The following COMMD5 variants were observed in gnomAD, a reference collection of about 807,000 sequenced individuals.
COMMD5 encodes COMM domain containing 5.
In COMMD5, 10 loss-of-function variants were observed where a neutral mutation model predicts 6.9. That is an observed-to-expected ratio of 1.44 (90% CI 0.89 to 2.45). The LOEUF is 2.45. Ranked by LOEUF, COMMD5 falls within the 30% of genes most tolerant of loss-of-function variation. COMMD5 has a pLI of 0.00. For synonymous variants in COMMD5, 127 were observed against 125.3 expected, an observed-to-expected ratio of 1.01 and a Z score of -0.09; for missense variants, 234 against 287.8, an observed-to-expected ratio of 0.81 and a Z score of 1.35.
At chr8:144,841,217 T>C (rs926400476) in exon 2 of COMMD5, 6 of 839,008 alleles carry the variant, frequency 7.2e-6, no homozygotes, top group Non-Finnish European at 9.3e-6. Flanking sequence ...CTGCCTTCTC[T>C]TGCACGTTTC....
chr8:144,846,203 T>C, downstream of COMMD5: 2 of 1,532,360 alleles, frequency 1.3e-6, no homozygotes, highest in South Asian at 1.2e-5. Flanking sequence ...GTGCTAACCA[T>C]AATGCTGTGT....
chr8:144,838,051 G>T (rs983693784), downstream of COMMD5: 8 of 693,788 alleles, frequency 1.2e-5, no homozygotes, highest in Middle Eastern at 2.3e-4. Context: ...AGCAAGCAGG[G>T]CCGTGCCCCC....
chr8:144,841,638 C>T (rs377092852), exon 2 of COMMD5: 83 of 1,614,176 alleles, frequency 5.1e-5, no homozygotes, highest in African/African-American at 3.1e-4. Context: ...TGGGAAGCAG[C>T]GGCCTGGATT....
At chr8:144,849,823 G>C (rs1241552150), downstream of COMMD5, among the ~76,000 whole-genome samples, 1 of 149,220 alleles carries the variant, frequency 6.7e-6, no homozygotes, top group Non-Finnish European at 1.5e-5. Flanking sequence ...CCAATCACCA[G>C]ATCACGTCTC....
chr8:144,842,882 G>T, intron 1 of COMMD5: 1 of 1,614,166 alleles, frequency 6.2e-7, no homozygotes, highest in Non-Finnish European at 8.5e-7. Flanking sequence ...GCCTTCAGCC[G>T]GAGCTCATAT....
At chr8:144,845,188 C>T (rs1464049902), downstream of COMMD5, among the ~76,000 whole-genome samples, 3 of 152,140 alleles carry the variant, frequency 2.0e-5, no homozygotes, top group Admixed American at 2.0e-4. Context: ...TAGAAGCTCA[C>T]GAGAAATCCT....
chr8:144,845,865 T>A (rs184298862), downstream of COMMD5: 5,545 of 1,021,460 alleles, frequency 5.4e-3, 28 homozygotes, highest in Non-Finnish European at 7.0e-3. Flanking sequence ...GTGTGCAGTG[T>A]CCCTGCCTTG....
At chr8:144,849,033 C>T (rs548131887), downstream of COMMD5, among the ~76,000 whole-genome samples, 38 of 152,140 alleles carry the variant, frequency 2.5e-4, no homozygotes, top group African/African-American at 7.7e-4. Flanking sequence ...GCCTGAGGAC[C>T]GAGGGCAGGT....
chr8:144,852,098 G>A (rs1303021260), intron 1 of COMMD5, among the ~76,000 whole-genome samples: 1 of 147,450 alleles, frequency 6.8e-6, no homozygotes, highest in Non-Finnish European at 1.5e-5. Flanking sequence ...ACGAAATCGA[G>A]CCGCTGCACT....
Position 144,851,373 on chromosome 8 carries a change from A to T in COMMD5, c.-35T>A. On this transcript the variant is annotated 5_prime_UTR_variant, in exon 2 of 2. Transcript: ENST00000305103. ...TTCCTCTTTGATCAGCCAGCCCAGGAGGTCGGTCCCAGATGCAGATGCCTA... is the reference window on the plus strand; with the variant it reads ...TTCCTCTTTGATCAGCCAGCCCAGGTGGTCGGTCCCAGATGCAGATGCCTA... The T allele has an allele frequency of 6.3e-7, 1 of 1,576,188 alleles. No homozygotes were observed. Among genetic ancestry groups the T allele is most frequent in the Non-Finnish European group, 8.6e-7 (1 of 1,158,176 alleles).
chr8:144,839,487 G>A (rs911540200), downstream of COMMD5, among the ~76,000 whole-genome samples: 3 of 152,232 alleles, frequency 2.0e-5, no homozygotes, highest in South Asian at 2.1e-4. Context: ...GGACAGGAGC[G>A]TTTAAAGAGG....
downstream of COMMD5, chr8:144,838,815 G>C (rs563094800): frequency 6.7e-6 from 1 of 150,284 alleles, no homozygotes; most frequent in East Asian, 2.0e-4. Context: ...GGTGGCAGGC[G>C]CCTGTAGTCC....
At chr8:144,838,459 G>C, downstream of COMMD5, 1 of 347,102 alleles carries the variant, frequency 2.9e-6, no homozygotes, top group East Asian at 5.4e-5. Context: ...TAGCCGGTGT[G>C]CTGCCCAGCA....
chr8:144,840,166 G>C (rs1829690915), downstream of COMMD5, among the ~76,000 whole-genome samples: 1 of 152,228 alleles, frequency 6.6e-6, no homozygotes, highest in African/African-American at 2.4e-5. Context: ...CCTGTTGAAA[G>C]AGCAGGCATG....
chr8:144,842,809 C>G (rs1830121903), intron 1 of COMMD5: 1 of 1,614,200 alleles, frequency 6.2e-7, no homozygotes, highest in South Asian at 1.1e-5. Context: ...AAACTCAACC[C>G]TTTTCCAACA....
At chr8:144,843,210 A>T (rs569169330) in intron 1 of COMMD5, 1 of 1,508,458 alleles carries the variant, frequency 6.6e-7, no homozygotes, top group East Asian at 2.3e-5. Context: ...ATAAACCTAT[A>T]GCCTTAACTT....
Position 144,850,548 on chromosome 8 carries a change from T to C in COMMD5, c.*116A>G. The stretch of plus-strand genomic sequence containing the variant: ...TACATAATTACGTTCAAACACTCAC[T>C]GAAGAGCCTGCCTCATGGGAAGGGC... On this transcript the variant is annotated 3_prime_UTR_variant, in exon 2 of 2. Transcript: ENST00000305103. The surrounding 1 kb of genome is among the most constrained non-coding windows in gnomAD (Gnocchi z 4.0). 2 of 1,092,114 alleles carry C rather than the reference T, an allele frequency of 1.8e-6. No individual in the cohort carries two copies. The highest frequency in any genetic ancestry group is 3.3e-5 in the South Asian group (2 of 61,092). The allele number at this position is 1,092,114 out of a possible 1,614,324, so 67.7% of individuals were successfully genotyped here.
chr8:144,842,604 T>C (rs1324676039), intron 1 of COMMD5: 2 of 1,614,190 alleles, frequency 1.2e-6, no homozygotes, highest in Non-Finnish European at 1.7e-6. Context: ...CCTATGTGTG[T>C]AATGACTGTG....
chr8:144,847,867 C>T (rs368206686), downstream of COMMD5, among the ~76,000 whole-genome samples: 5 of 152,274 alleles, frequency 3.3e-5, no homozygotes, highest in East Asian at 5.8e-4. Flanking sequence ...GTGCAAGCCA[C>T]GGGGACAAAG....
Sources: allele counts gnomAD v4.1 joint callset (sites outside exome capture counted in the v4.1 genomes callset), GRCh38; gene constraint gnomAD v4.1.1; non-coding constraint Gnocchi (gnomAD v3.1); transcripts MANE v1.5; gene names NCBI Gene and HGNC (gene_info 2026-07-23, HGNC 2026-07-21).